Variants in NR1I3 observed in about 807,000 individuals in gnomAD.
NR1I3 encodes nuclear receptor subfamily 1 group I member 3.
In NR1I3, 30 loss-of-function variants were observed where a neutral mutation model predicts 38.4. The ratio of observed to expected loss-of-function variants is 0.78; its 90% CI spans 0.58 to 1.06. The LOEUF (loss-of-function observed/expected upper bound fraction) is 1.06, where lower values mean the gene tolerates loss of function less well. NR1I3 is among the 50% of genes least tolerant of loss of function. NR1I3 has a pLI of 0.00. For synonymous variants in NR1I3, 143 were observed against 165.1 expected (o/e 0.87, Z 1.03); for missense variants, 388 against 435.7 (o/e 0.89, Z 0.97).
Position 161,236,512 on chromosome 1 carries a change from G to A in NR1I3, c.54C>T (p.Ala18=), listed in dbSNP as rs1217414126. Residue 18 remains alanine, a synonymous_variant, in exon 2 of 9, where the codon GCC becomes GCT. Transcript: ENST00000367983. ...LRNCVVCGDQ[A]TGYHFNALTC... is the part of the protein sequence containing the mutation. The stretch of plus-strand genomic sequence containing the variant: ...TCAGCGCATTAAAGTGGTAGCCTGT[G>A]GCTTGGTCCCCACATACCACACAGT... 6.2e-7 allele frequency: 1 copy of A among 1,614,120 alleles called. No individual in the cohort carries two copies. Among genetic ancestry groups the A allele is most frequent in the Admixed American group, 1.7e-5 (1 of 60,002 alleles).
intron 3 of NR1I3, among the ~76,000 whole-genome samples, chr1:161,233,622 C>T (rs200968076): frequency 6.6e-5 from 10 of 151,976 alleles, no homozygotes; most frequent in East Asian, 1.9e-4. Flanking sequence ...AGGAAAGGTG[C>T]GAGGGCTTTT....
rs1316777846 is a variant in NR1I3 at position 161,232,857 on chromosome 1, A to C, written c.498T>G (p.Thr166=). The C allele has an allele frequency of 6.2e-7, 1 of 1,614,102 alleles. No homozygotes were observed. The highest frequency in any genetic ancestry group is 2.2e-5 in the East Asian group (1 of 44,906). The part of the protein sequence containing the change: ...PLVTHFADIN[T]FMVLQVIKFT... Reference sequence around the variant, plus strand: ...ACTTGATGACTTGCAGTACCATGAAAGTGTTGATGTCTGCGAAGTGTGTGA... The same window carrying C: ...ACTTGATGACTTGCAGTACCATGAACGTGTTGATGTCTGCGAAGTGTGTGA... The change falls in exon 5 of 9, where the codon ACT becomes ACG. Residue 166 remains threonine (T), a synonymous_variant. Transcript: ENST00000367983.
Position 161,238,177 on chromosome 1 carries a change from G to C in NR1I3, c.-170C>G, listed in dbSNP as rs1350473539. Reference sequence around the variant, plus strand: ...TGATTGGAGTTAGGGATTATGACCCGTAGTATCTGGAAAACAAGAGATGTC... The same window carrying C: ...TGATTGGAGTTAGGGATTATGACCCCTAGTATCTGGAAAACAAGAGATGTC... On this transcript the variant is annotated 5_prime_UTR_variant, in exon 1 of 9. Transcript: ENST00000367983. 1 of 1,564,116 alleles carries C rather than the reference G, an allele frequency of 6.4e-7. No homozygotes were observed. The highest frequency in any genetic ancestry group is 1.4e-5 in the African/African-American group (1 of 73,976).
chr1:161,233,837 ATGTGTGTG>A (rs761756944), intron 3 of NR1I3, among the ~76,000 whole-genome samples: 3,510 of 118,470 alleles, frequency 0.03, 58 homozygotes, highest in Middle Eastern at 0.05. Context: ...TCATATATAT[ATGTGTGTG>A]TGTGTGTGTG....
intron 8 of NR1I3, 24 bp from the exon 9 acceptor site, chr1:161,229,950 C>A: frequency 6.2e-7 from 1 of 1,613,654 alleles, no homozygotes; most frequent in Non-Finnish European, 8.5e-7. Flanking sequence ...AGTGGGGTTG[C>A]CAGGAAAACA....
rs992999728 is a variant in NR1I3 at position 161,232,741 on chromosome 1, T to C, written c.548+66A>G. ...CATGTGATAATTTGTAGTCAGTGAC[T>C]TTTCGGGGTGGATATACAATTTACT... On this transcript the variant is annotated intron_variant, in intron 5 of 8. Transcript: ENST00000367983. 1.7e-5 allele frequency: 26 copies of C among 1,523,200 alleles called. No individual in the cohort carries two copies. The Admixed American group carries it at 4.4e-4, about 26-fold the overall frequency. 94.4% of individuals were successfully genotyped at this position (1,523,200 alleles called of 1,614,324 possible).
At chr1:161,230,097 A>AG (rs1218796767) in intron 8 of NR1I3, 171 bp from the exon 9 acceptor site, 6 of 743,302 alleles carry the variant, frequency 8.1e-6, no homozygotes, top group African/African-American at 1.8e-5. Flanking sequence ...AAGGTCCTCC[A>AG]GGGGGCCTCG....
chr1:161,237,662 G>A (rs11265570), intron 1 of NR1I3, among the ~76,000 whole-genome samples: 244 of 151,792 alleles, frequency 1.6e-3, no homozygotes, highest in African/African-American at 5.7e-3. Flanking sequence ...AGGTTGCAGC[G>A]AGCCGAGATT....
At chr1:161,237,154 T>A (rs1335598623) in intron 1 of NR1I3, among the ~76,000 whole-genome samples, 1 of 151,684 alleles carries the variant, frequency 6.6e-6, no homozygotes, top group African/African-American at 2.4e-5. Flanking sequence ...ACCAGGATAT[T>A]TTTTTCTTTT....
At chr1:161,233,443 TGGGG>T in intron 3 of NR1I3, 105 bp from the exon 4 acceptor site, 1 of 1,152,128 alleles carries the variant, frequency 8.7e-7, no homozygotes, top group South Asian at 1.4e-5. Flanking sequence ...CAACGAAGGA[TGGGG>T]GCAGTGGGGG....
intron 4 of NR1I3, 79 bp downstream of exon 4, chr1:161,233,090 C>T: frequency 6.3e-7 from 1 of 1,582,716 alleles, no homozygotes; most frequent in Non-Finnish European, 8.6e-7. Flanking sequence ...CAGTGCATGG[C>T]ATACACCCCT....
chr1:161,230,648 G>T, intron 8 of NR1I3, 165 bp downstream of exon 8: 1 of 862,560 alleles, frequency 1.2e-6, no homozygotes. Context: ...CAATTTGGAT[G>T]CTGAAACGAT....
chr1:161,233,835 ATATGTGTG>A lies in NR1I3; in HGVS notation c.239-505_239-498del, dbSNP rs1414799633. 4.8e-4 allele frequency among the ~76,000 whole-genome samples: 46 copies of A among 95,002 alleles called. 1 individual carries two copies. Among genetic ancestry groups the A allele is most frequent in the Admixed American group, 1.3e-3 (12 of 9,006 alleles). The allele number at this position is 95,002 out of a possible 152,430, so 62.3% of individuals were successfully genotyped here. A position where few individuals can be genotyped will look rare whatever the true frequency, so the allele number is the denominator to read the frequency against. ...GGCAGGGCTGGTATTCATCATATATATATGTGTGTGTGTGTGTGTGTGTGTGTGTGTGT... is the reference window on the plus strand; with the variant it reads ...GGCAGGGCTGGTATTCATCATATATATGTGTGTGTGTGTGTGTGTGTGTGT... On this transcript the variant is annotated intron_variant, in intron 3 of 8. Coordinates refer to ENST00000367983, the MANE Select transcript of NR1I3 (RefSeq NM_005122.5).
chr1:161,236,331 A>G (rs1571751028), intron 2 of NR1I3, 128 bp downstream of exon 2: 1 of 1,135,024 alleles, frequency 8.8e-7, no homozygotes, highest in Non-Finnish European at 1.2e-6. Context: ...TGCCAGCCAC[A>G]GGGTAGTTAG....
chr1:161,230,098 G>A (rs1292298715), intron 8 of NR1I3, 172 bp from the exon 9 acceptor site: 1 of 722,428 alleles, frequency 1.4e-6, no homozygotes, highest in Non-Finnish European at 2.2e-6. Context: ...AGGTCCTCCA[G>A]GGGGCCTCGG....
At position 161,230,921 on chromosome 1, in the gene NR1I3, G is replaced by A. The variant is rs1667060313; in HGVS notation, c.812-3C>T. On this transcript the variant is annotated splice_region_variant and splice_polypyrimidine_tract_variant and intron_variant, in intron 7 of 8. Transcript: ENST00000367983. ...TCTCTGGGTAACTCCAGGTCGGTCT[G>A]TAAGATAGGGAGCTGGGAAGGACAA... is the stretch of plus-strand genomic sequence containing the variant. 1.2e-6 allele frequency: 2 copies of A among 1,614,136 alleles called. No homozygotes were observed. The highest frequency in any genetic ancestry group is 1.7e-6 in the Non-Finnish European group (2 of 1,180,018).
chr1:161,237,582 G>A (rs1040008177), intron 1 of NR1I3, among the ~76,000 whole-genome samples: 3 of 151,716 alleles, frequency 2.0e-5, no homozygotes, highest in Admixed American at 6.6e-5. Context: ...GCTGGGCATC[G>A]TGGCATGTGC....
In NR1I3 at chr1:161,233,271, T is replaced by C. The variant is rs1315003478; in HGVS notation, c.306A>G (p.Thr102=). ...AKQAQRRAQQ[T]PVQLSKEQEE... ...CTTGCTCCTTACTCAGTTGCACAGG[T>C]GTTTGCTGTGCCCGCCGCTGGGCCT... Residue 102 remains threonine (T), a synonymous_variant, in exon 4 of 9, where the codon ACA becomes ACG. Coordinates refer to ENST00000367983, the MANE Select transcript of NR1I3 (RefSeq NM_005122.5). 6 of 1,613,774 alleles carry C rather than the reference T, an allele frequency of 3.7e-6. No individual in the cohort carries two copies. Among genetic ancestry groups the C allele is most frequent in the Non-Finnish European group, 4.2e-6 (5 of 1,179,970 alleles).
chr1:161,233,443 TG>T, intron 3 of NR1I3, 105 bp from the exon 4 acceptor site: 1 of 1,152,126 alleles, frequency 8.7e-7, no homozygotes, highest in Non-Finnish European at 1.2e-6. Context: ...CAACGAAGGA[TG>T]GGGGCAGTGG....
Sources: gnomAD v4.1 joint callset for allele counts (sites outside exome capture counted in the v4.1 genomes callset) on GRCh38, gnomAD v4.1.1 for gene constraint, MANE v1.5 for transcripts, NCBI Gene and HGNC (gene_info 2026-07-23, HGNC 2026-07-21) for gene names.